GRID2: variants seen among roughly 807,000 people sequenced by gnomAD.
GRID2 encodes the protein glutamate receptor ionotropic, delta-2.
In GRID2, 33 loss-of-function variants were observed where a neutral mutation model predicts 114.8. That is an observed-to-expected ratio of 0.29 (90% CI 0.22 to 0.38). The LOEUF is 0.38. Ranked by LOEUF, GRID2 falls within the 10% of genes least tolerant of loss-of-function variation. GRID2 has a pLI of 1.00. For synonymous variants in GRID2, 505 were observed against 449.9 expected (o/e 1.12, Z -1.55); for missense variants, 1,184 against 1,257.7 (o/e 0.94, Z 0.89).
At chr4:93,789,178 G>C (rs539295195) in intron 1 of GRID2, among the ~76,000 whole-genome samples, 15 of 152,224 alleles carry the variant, frequency 9.9e-5, no homozygotes, top group Non-Finnish European at 1.8e-4. Context: ...GTGATATTAT[G>C]TGTTTTATAA....
intron 13 of GRID2, among the ~76,000 whole-genome samples, chr4:93,548,310 A>T (rs763026484): frequency 1.3e-5 from 2 of 152,238 alleles, no homozygotes; most frequent in Non-Finnish European, 2.9e-5. Context: ...GAACTGACCC[A>T]CAAGAAGTAC....
intron 2 of GRID2, among the ~76,000 whole-genome samples, chr4:92,720,566 T>A (rs1735764133): frequency 6.6e-6 from 1 of 152,044 alleles, no homozygotes; most frequent in African/African-American, 2.4e-5. Context: ...AAAACTCTTG[T>A]CCTATAAGCA....
intron 2 of GRID2, among the ~76,000 whole-genome samples, chr4:92,930,237 T>C (rs943271668): frequency 1.3e-5 from 2 of 151,324 alleles, no homozygotes; most frequent in African/African-American, 4.8e-5. Context: ...ATTATGCTTT[T>C]TATCATAGCT....
chr4:93,206,909 A>C (rs1401269407), intron 4 of GRID2, among the ~76,000 whole-genome samples: 1 of 152,120 alleles, frequency 6.6e-6, no homozygotes, highest in Non-Finnish European at 1.5e-5. Flanking sequence ...TTTCAGGAGA[A>C]TACAGAGCAG....
intron 2 of GRID2, among the ~76,000 whole-genome samples, chr4:92,936,055 G>A (rs924109712): frequency 2.7e-5 from 4 of 145,830 alleles, no homozygotes; most frequent in Admixed American, 7.4e-5. Context: ...ATAAAAAAAA[G>A]AAATTTAAAT....
chr4:92,449,646 TATA>T (rs1175791865), intron 1 of GRID2, among the ~76,000 whole-genome samples: 2 of 143,470 alleles, frequency 1.4e-5, no homozygotes, highest in African/African-American at 2.5e-5. Context: ...TTACTTGTAA[TATA>T]ATCAAATATG....
Position 93,073,422 on chromosome 4 carries a change from A to G in GRID2, c.245-11573A>G, listed in dbSNP as rs561500582. ...TTTCTCTAGTTTACTGTATTATAAG[A>G]TACAGTATATATTAGTGTATGAAAT... On this transcript the variant is annotated intron_variant, in intron 2 of 15. Transcript: ENST00000282020. Among the ~76,000 whole-genome samples the G allele has an allele frequency of 3.9e-5, 6 of 152,274 alleles. No individual in the cohort carries two copies. In the East Asian group the frequency reaches 9.7e-4, roughly 25 times the overall value.
intron 2 of GRID2, among the ~76,000 whole-genome samples, chr4:92,886,773 C>T (rs1161588930): frequency 6.6e-6 from 1 of 151,932 alleles, no homozygotes; most frequent in African/African-American, 2.4e-5. Flanking sequence ...CTACAGGTGC[C>T]CGCCACCACG....
intron 13 of GRID2, among the ~76,000 whole-genome samples, chr4:93,568,216 A>G (rs1305262668): frequency 6.6e-6 from 1 of 152,190 alleles, no homozygotes; most frequent in Non-Finnish European, 1.5e-5. Flanking sequence ...ATTATTTTTT[A>G]TTGTTTAATG....
In GRID2 at chr4:93,371,547, T is replaced by A. The variant is rs150891715; in HGVS notation, c.1246-24060T>A. ...ACTGGCCTTCGTTGGACCACTTACA[T>A]TTCTTTGAACCAATTACTCTGGTCA... On this transcript the variant is annotated intron_variant, in intron 8 of 15. Transcript: ENST00000282020. Among the ~76,000 whole-genome samples the A allele has an allele frequency of 2.5e-3, 378 of 152,224 alleles. 2 individuals are homozygous for A. Among genetic ancestry groups the A allele is most frequent in the African/African-American group, 8.4e-3 (350 of 41,538 alleles).
intron 2 of GRID2, among the ~76,000 whole-genome samples, chr4:92,939,013 C>T (rs925113450): frequency 4.8e-5 from 7 of 146,394 alleles, no homozygotes; most frequent in African/African-American, 1.2e-4. Flanking sequence ...TGAATAGTGC[C>T]GCAATAAACA....
chr4:92,773,110 C>A lies in GRID2; in HGVS notation c.244+182824C>A, dbSNP rs187307999. Among the ~76,000 whole-genome samples the A allele has an allele frequency of 2.0e-5, 3 of 152,216 alleles. No individual in the cohort carries two copies. The East Asian group carries it at 5.8e-4, about 29-fold the overall frequency. On this transcript the variant is annotated intron_variant, in intron 2 of 15. Transcript: ENST00000282020. ...AATATCCATTAGATATGATAAAAAT[C>A]TAATTAAATGGAAAGCCTGCTAATG...
At chr4:93,691,854 A>AT (rs1164891069) in intron 14 of GRID2, among the ~76,000 whole-genome samples, 1 of 151,970 alleles carries the variant, frequency 6.6e-6, no homozygotes, top group Non-Finnish European at 1.5e-5. Context: ...CTGACATATA[A>AT]TTTTATATAC....
intron 2 of GRID2, among the ~76,000 whole-genome samples, chr4:92,872,715 G>A (rs1338943216): frequency 6.6e-6 from 1 of 152,208 alleles, no homozygotes; most frequent in Non-Finnish European, 1.5e-5. Context: ...AGCCATGCCT[G>A]TGCCTCCAGC....
chr4:92,493,619 A>C (rs1471186269), intron 1 of GRID2, among the ~76,000 whole-genome samples: 1 of 152,112 alleles, frequency 6.6e-6, no homozygotes, highest in African/African-American at 2.4e-5. Context: ...CAATTTCTAA[A>C]ATAAAATTTT....
chr4:93,335,223 G>A (rs1008662761), intron 8 of GRID2, among the ~76,000 whole-genome samples: 1 of 152,084 alleles, frequency 6.6e-6, no homozygotes, highest in Non-Finnish European at 1.5e-5. Flanking sequence ...CAATGAAAAG[G>A]AATCTCTCTG....
chr4:92,905,966 T>C (rs1422358041), intron 2 of GRID2, among the ~76,000 whole-genome samples: 2 of 152,166 alleles, frequency 1.3e-5, no homozygotes, highest in African/African-American at 2.4e-5. Flanking sequence ...TTATAAATAC[T>C]AATTCTTGGT....
intron 13 of GRID2, among the ~76,000 whole-genome samples, chr4:93,548,139 T>C (rs932453043): frequency 1.2e-4 from 18 of 151,908 alleles, no homozygotes; most frequent in African/African-American, 4.1e-4. Context: ...ATGGTGCCAC[T>C]GCCCTTCAGC....
At chr4:92,608,763 A>C (rs547273924) in intron 2 of GRID2, among the ~76,000 whole-genome samples, 208 of 151,920 alleles carry the variant, frequency 1.4e-3, no homozygotes, top group Non-Finnish European at 2.5e-3. Flanking sequence ...ATAATGTTTT[A>C]ACATAAGTAT....
Sources: gnomAD v4.1 joint callset for allele counts (sites outside exome capture counted in the v4.1 genomes callset) on GRCh38, gnomAD v4.1.1 for gene constraint, MANE v1.5 for transcripts, NCBI Gene and HGNC (gene_info 2026-07-23, HGNC 2026-07-21) for gene names.